The following DIAPH2 variants were observed in gnomAD, a reference collection of about 807,000 sequenced individuals.
DIAPH2 encodes the protein diaphanous related formin 2, also known as protein diaphanous homolog 2.
DIAPH2 carries 35 observed loss-of-function variants against 92.7 expected under a neutral mutation model. The ratio of observed to expected loss-of-function variants is 0.38; its 90% CI spans 0.29 to 0.50. The LOEUF is 0.50. Among genes scored for constraint, DIAPH2 ranks in the 20% least tolerant of loss-of-function variants. The pLI is 0.94. For synonymous variants in DIAPH2, 301 were observed against 280.4 expected (o/e 1.07, Z -0.73); for missense variants, 701 against 819.5 (o/e 0.86, Z 1.77).
chrX:97,125,150 T>C (rs2067083473), intron 21 of DIAPH2, among the ~76,000 whole-genome samples: 1 of 111,294 alleles, frequency 9.0e-6, no homozygotes, highest in South Asian at 3.8e-4. Context: ...TGTTCCTTTG[T>C]ATACATCAAT....
intron 17 of DIAPH2, among the ~76,000 whole-genome samples, chrX:96,983,422 A>G (rs1005393184): frequency 1.3e-4 from 14 of 111,569 alleles, no homozygotes; most frequent in Non-Finnish European, 2.3e-4. Context: ...GTGATGACAA[A>G]AATAGCTAAA....
At chrX:97,479,504 T>C (rs1012044591) in intron 26 of DIAPH2, among the ~76,000 whole-genome samples, 1 of 112,272 alleles carries the variant, frequency 8.9e-6, no homozygotes, top group African/African-American at 3.2e-5. Context: ...GTGTACCTCA[T>C]ACACAAAAGC....
At chrX:96,847,163 TAC>T (rs751866484) in intron 4 of DIAPH2, among the ~76,000 whole-genome samples, 6 of 111,755 alleles carry the variant, frequency 5.4e-5, no homozygotes, top group Non-Finnish European at 9.4e-5. Context: ...GCGGGTGAGT[TAC>T]AGTTATTTCT....
chrX:97,029,783 T>G (rs2066360778), intron 17 of DIAPH2, among the ~76,000 whole-genome samples: 1 of 111,826 alleles, frequency 8.9e-6, no homozygotes, highest in African/African-American at 3.3e-5. Flanking sequence ...ATTTTTATTT[T>G]TATTCCATCA....
intron 22 of DIAPH2, among the ~76,000 whole-genome samples, chrX:97,183,802 A>C (rs2147467606): frequency 8.9e-6 from 1 of 112,226 alleles, no homozygotes; most frequent in East Asian, 2.8e-4. Flanking sequence ...GTACTCATTA[A>C]GATAAATATG....
At chrX:96,755,509 C>T (rs985848493) in intron 3 of DIAPH2, among the ~76,000 whole-genome samples, 3 of 110,013 alleles carry the variant, frequency 2.7e-5, no homozygotes, top group African/African-American at 6.6e-5. Context: ...AAAAATTAGC[C>T]GGGCATGGTG....
chrX:96,924,876 T>C (rs1174527699), intron 9 of DIAPH2, among the ~76,000 whole-genome samples: 1 of 111,264 alleles, frequency 9.0e-6, no homozygotes, highest in Non-Finnish European at 1.9e-5. Flanking sequence ...CCTCCCATCA[T>C]GCCCCTCCTC....
intron 24 of DIAPH2, among the ~76,000 whole-genome samples, chrX:97,379,753 A>G (rs1414561138): frequency 8.9e-6 from 1 of 111,840 alleles, no homozygotes; most frequent in Non-Finnish European, 1.9e-5. Context: ...ATTAGAAGCC[A>G]TGAAAGTAAG....
intron 4 of DIAPH2, among the ~76,000 whole-genome samples, chrX:96,799,261 C>T (rs892771874): frequency 9.0e-6 from 1 of 111,424 alleles, no homozygotes; most frequent in African/African-American, 3.3e-5. Context: ...TAATTTGTTT[C>T]CTTTCTCTCA....
intron 26 of DIAPH2, among the ~76,000 whole-genome samples, chrX:97,457,125 A>G (rs895150045): frequency 9.0e-6 from 1 of 111,231 alleles, no homozygotes; most frequent in African/African-American, 3.3e-5. Context: ...GGTTCAAGCA[A>G]TCCTCCTGCC....
chrX:97,316,851 A>C (rs752597888), intron 23 of DIAPH2, among the ~76,000 whole-genome samples: 1 of 112,052 alleles, frequency 8.9e-6, no homozygotes, highest in African/African-American at 3.2e-5. Flanking sequence ...AATCTGCAAC[A>C]GTCTCATGTA....
At position 97,300,805 on chromosome X, in the gene DIAPH2, G is replaced by A. The variant is rs370006055; in HGVS notation, c.2845-47311G>A. ...AAATTAGCCGGGCATGGTGGCGGGC[G>A]CCTGTAGTCCCAGCTACTTGGGAGG... On this transcript the variant is annotated intron_variant, in intron 23 of 26. Coordinates refer to ENST00000324765, the MANE Select transcript of DIAPH2 (RefSeq NM_006729.5). Among the ~76,000 whole-genome samples, 8 of 98,176 alleles carry A rather than the reference G, an allele frequency of 8.1e-5. No homozygotes were observed. In the East Asian group the frequency reaches 9.5e-4, roughly 12 times the overall value. The allele number at this position is 98,176 out of a possible 115,157, so 85.3% of individuals were successfully genotyped here. A position where few individuals can be genotyped will look rare whatever the true frequency, so the allele number is the denominator to read the frequency against.
chrX:97,246,963 A>G (rs902183371), intron 22 of DIAPH2, among the ~76,000 whole-genome samples: 3 of 112,069 alleles, frequency 2.7e-5, no homozygotes, highest in Non-Finnish European at 3.8e-5. Context: ...TTAAAAAAAA[A>G]TTACCTGGTA....
intron 26 of DIAPH2, among the ~76,000 whole-genome samples, chrX:97,437,187 C>G (rs902095744): frequency 1.4e-4 from 16 of 111,814 alleles, no homozygotes; most frequent in African/African-American, 5.2e-4. Flanking sequence ...CTGTTTACTT[C>G]TTTCTCCCTG....
At chrX:97,446,053 G>T (rs2070307353) in intron 26 of DIAPH2, among the ~76,000 whole-genome samples, 1 of 110,852 alleles carries the variant, frequency 9.0e-6, no homozygotes, top group Admixed American at 9.6e-5. Flanking sequence ...GAAATTCTTG[G>T]TTGCCAGCCT....
intron 25 of DIAPH2, among the ~76,000 whole-genome samples, chrX:97,421,941 T>A (rs2070012824): frequency 8.9e-6 from 1 of 112,019 alleles, no homozygotes; most frequent in Admixed American, 9.5e-5. Context: ...CATCCATATT[T>A]TATTTCAGGT....
At chrX:97,449,350 G>T (rs1330297114) in intron 26 of DIAPH2, among the ~76,000 whole-genome samples, 1 of 111,869 alleles carries the variant, frequency 8.9e-6, no homozygotes, top group Non-Finnish European at 1.9e-5. Flanking sequence ...TTCAAATCTG[G>T]TGTTAGTAAT....
At chrX:96,979,000 A>C (rs944502047) in intron 17 of DIAPH2, among the ~76,000 whole-genome samples, 1 of 111,897 alleles carries the variant, frequency 8.9e-6, no homozygotes, top group Non-Finnish European at 1.9e-5. Context: ...AGGGCAGCTC[A>C]TAAAAGTCCA....
intron 25 of DIAPH2, among the ~76,000 whole-genome samples, chrX:97,409,746 C>T (rs1017897850): frequency 8.9e-5 from 10 of 112,400 alleles, no homozygotes; most frequent in African/African-American, 1.6e-4. Context: ...GCGGGCCCCA[C>T]GCTCACGGAG....
Sources: allele counts gnomAD v4.1 joint callset (sites outside exome capture counted in the v4.1 genomes callset), GRCh38; gene constraint gnomAD v4.1.1; transcripts MANE v1.5; gene names NCBI Gene and HGNC (gene_info 2026-07-23, HGNC 2026-07-21).